The following ZRANB3 variants were observed in gnomAD, a reference collection of about 807,000 sequenced individuals.
ZRANB3 encodes the protein zinc finger RANBP2-type containing 3.
A neutral mutation model predicts 133.8 loss-of-function variants in ZRANB3; 125 were observed. The ratio of observed to expected loss-of-function variants is 0.93; its 90% CI spans 0.81 to 1.08. The LOEUF (loss-of-function observed/expected upper bound fraction) is 1.08. Among genes scored for constraint, ZRANB3 ranks in the 50% least tolerant of loss-of-function variants. ZRANB3 has a pLI of 0.00. For synonymous variants in ZRANB3, 387 were observed against 432.7 expected (o/e 0.89, Z 1.31); for missense variants, 1,229 against 1,275.5 (o/e 0.96, Z 0.56).
chr2:135,215,095 T>C (rs1048155554), intron 17 of ZRANB3, among the ~76,000 whole-genome samples: 1 of 150,742 alleles, frequency 6.6e-6, no homozygotes, highest in Non-Finnish European at 1.5e-5. Flanking sequence ...TTTTTTGGGG[T>C]TTTGTGGAGA....
At chr2:135,390,712 C>T in intron 3 of ZRANB3, 90 bp downstream of exon 3, 8 of 1,448,892 alleles carry the variant, frequency 5.5e-6, no homozygotes, top group Non-Finnish European at 7.4e-6. Context: ...GACATATAGT[C>T]ATATGGAGAA....
intron 3 of ZRANB3, among the ~76,000 whole-genome samples, chr2:135,369,129 T>C (rs1686062159): frequency 6.6e-6 from 1 of 151,738 alleles, no homozygotes; most frequent in Admixed American, 6.6e-5. Context: ...TAACTTTGAG[T>C]AACAAAAAAG....
Position 135,510,660 on chromosome 2 carries a change from C to T in ZRANB3, c.-7-6164G>A, listed in dbSNP as rs917907602. 3.8e-6 allele frequency: 3 copies of T among 788,874 alleles called. No individual in the cohort carries two copies. In the Admixed American group the frequency reaches 5.2e-5, roughly 14 times the overall value. The allele number at this position is 788,874 out of a possible 1,614,324, so 48.9% of individuals were successfully genotyped here. On this transcript the variant is annotated intron_variant, in intron 1 of 20. Transcript: ENST00000264159. ...GCCCACATAGAGGGCCTCCAGGTCC[C>T]CTAAGGCGATCATCTCGTCAGTCCC...
intron 3 of ZRANB3, among the ~76,000 whole-genome samples, chr2:135,373,650 T>A (rs905680699): frequency 5.3e-5 from 8 of 151,198 alleles, no homozygotes; most frequent in Non-Finnish European, 7.4e-5. Context: ...TAGCTGGGTG[T>A]AATGGTGCAT....
chr2:135,246,680 T>C (rs1695817163), intron 12 of ZRANB3, among the ~76,000 whole-genome samples: 1 of 152,232 alleles, frequency 6.6e-6, no homozygotes, highest in Non-Finnish European at 1.5e-5. Context: ...GAAGAACATA[T>C]TCCTCTCTTC....
chr2:135,401,377 A>AGT (rs1383496700), intron 2 of ZRANB3, among the ~76,000 whole-genome samples: 1 of 152,216 alleles, frequency 6.6e-6, no homozygotes, highest in African/African-American at 2.4e-5. Flanking sequence ...AGATGGCTAT[A>AGT]GTGCTTCCAA....
intron 1 of ZRANB3, among the ~76,000 whole-genome samples, chr2:135,517,863 C>G (rs150857469): frequency 0.01 from 1,576 of 152,320 alleles, 25 homozygotes; most frequent in African/African-American, 0.036. Flanking sequence ...GTGAGCACAG[C>G]TGCCCCTTCC....
rs894702238 is a variant in ZRANB3, at chr2:135,350,051, G to A, written c.524C>T (p.Pro175Leu). ...GGCTCGTCTGGCTTTCTGTACTATT[G>A]GCAATAAAATCCTGCTGCGAGTTGC... ...RNATRSRILL[P>L]IVQKARRAIL... The change falls in exon 5 of 21, where the codon CCA (proline) becomes CTA (leucine). Residue 175 changes from proline to leucine, a missense_variant. By Grantham distance (98) the Pro-to-Leu change is moderately conservative. Transcript: ENST00000264159. 1 of 1,613,480 alleles carries A rather than the reference G, an allele frequency of 6.2e-7. No homozygotes were observed. Among genetic ancestry groups the A allele is most frequent in the Non-Finnish European group, 8.5e-7 (1 of 1,179,800 alleles).
intron 2 of ZRANB3, among the ~76,000 whole-genome samples, chr2:135,427,782 G>A (rs548782816): frequency 6.6e-6 from 1 of 152,232 alleles, no homozygotes; most frequent in South Asian, 2.1e-4. Context: ...GAAGCATCAT[G>A]TTACCTGACA....
chr2:135,260,751 A>C (rs897454953), intron 12 of ZRANB3, among the ~76,000 whole-genome samples: 1 of 145,760 alleles, frequency 6.9e-6, no homozygotes, highest in Non-Finnish European at 1.5e-5. Flanking sequence ...GTATACTTGA[A>C]TATATATAGT....
chr2:135,230,992 G>T, intron 12 of ZRANB3, 65 bp from the exon 13 acceptor site: 1 of 1,419,492 alleles, frequency 7.0e-7, no homozygotes, highest in South Asian at 1.6e-5. Flanking sequence ...TTACATAAAA[G>T]AGCTTAACAA....
At chr2:135,484,301 A>G (rs540349867) in intron 2 of ZRANB3, among the ~76,000 whole-genome samples, 1 of 152,336 alleles carries the variant, frequency 6.6e-6, no homozygotes, top group African/African-American at 2.4e-5. Context: ...CTAATGAAAA[A>G]GGTAAAAAAG....
At chr2:135,478,188 T>C (rs1416707235) in intron 2 of ZRANB3, among the ~76,000 whole-genome samples, 2 of 152,062 alleles carry the variant, frequency 1.3e-5, no homozygotes, top group South Asian at 2.1e-4. Context: ...TCTATAAATA[T>C]ACATATATAC....
intron 2 of ZRANB3, among the ~76,000 whole-genome samples, chr2:135,472,512 A>C (rs7569911): frequency 0.25 from 37,028 of 150,208 alleles, 7,440 homozygotes; most frequent in African/African-American, 0.54. Flanking sequence ...AAAAAAAAAA[A>C]AAAAAAAACT....
At chr2:135,217,685 T>A (rs760422937) in intron 16 of ZRANB3, 78 bp from the exon 17 acceptor site, 18 of 1,506,032 alleles carry the variant, frequency 1.2e-5, no homozygotes, top group Non-Finnish European at 1.6e-5. Flanking sequence ...ATTTACAACA[T>A]CAGAAAACTG....
chr2:135,349,488 A>C (rs1303719685), intron 5 of ZRANB3, among the ~76,000 whole-genome samples: 1 of 152,214 alleles, frequency 6.6e-6, no homozygotes, highest in Non-Finnish European at 1.5e-5. Context: ...CACATGCCTT[A>C]TTCTTTCATT....
intron 1 of ZRANB3, among the ~76,000 whole-genome samples, chr2:135,520,586 T>C (rs1035791208): frequency 6.6e-6 from 1 of 151,698 alleles, no homozygotes; most frequent in African/African-American, 2.4e-5. Context: ...CTAATTGTTT[T>C]TTTGTTTGTT....
At chr2:135,208,442 T>G (rs546900787) in intron 18 of ZRANB3, among the ~76,000 whole-genome samples, 1 of 152,198 alleles carries the variant, frequency 6.6e-6, no homozygotes, top group Non-Finnish European at 1.5e-5. Flanking sequence ...TTTGTTAGAA[T>G]AAAAGAAAAG....
chr2:135,419,785 C>A (rs1486056192), intron 2 of ZRANB3, among the ~76,000 whole-genome samples: 18 of 151,274 alleles, frequency 1.2e-4, no homozygotes, highest in Non-Finnish European at 4.4e-5. Context: ...CCAGAATACC[C>A]AGAAGTATTA....
Sources: allele counts gnomAD v4.1 joint callset (sites outside exome capture counted in the v4.1 genomes callset), GRCh38; gene constraint gnomAD v4.1.1; transcripts MANE v1.5; gene names NCBI Gene and HGNC (gene_info 2026-07-23, HGNC 2026-07-21).